SLC35E1: variants seen among roughly 807,000 people sequenced by gnomAD.
The protein encoded by SLC35E1 is solute carrier family 35 member E1.
SLC35E1 carries 12 observed loss-of-function variants against 31.0 expected under a neutral mutation model. The observed-to-expected ratio is 0.39, with a 90% CI of 0.25 to 0.63. SLC35E1 has a LOEUF of 0.63. SLC35E1 is among the 20% of genes least tolerant of loss of function. The pLI is 0.52. For synonymous variants in SLC35E1, 257 were observed against 264.1 expected, an observed-to-expected ratio of 0.97 and a Z score of 0.26; for missense variants, 429 against 572.2, an observed-to-expected ratio of 0.75 and a Z score of 2.55.
chr19:16,563,631 G>A lies in SLC35E1; in HGVS notation c.756+2901C>T, dbSNP rs117883818. ...CTAGTAGCTAGGATTATAGGCGTAC[G>A]CCACCACACCAGATAATTTTTATAT... On this transcript the variant is annotated intron_variant, in intron 4 of 5. Transcript: ENST00000595753. 7.0e-3 allele frequency among the ~76,000 whole-genome samples: 1,067 copies of A among 152,160 alleles called. 4 individuals carry two copies. Among genetic ancestry groups the A allele is most frequent in the Middle Eastern group, 0.017 (5 of 294 alleles).
chr19:16,567,986 C>A, intron 3 of SLC35E1, 46 bp downstream of exon 3: 2 of 1,495,914 alleles, frequency 1.3e-6, no homozygotes, highest in Non-Finnish European at 8.9e-7. Context: ...TTGCTGCCCG[C>A]ACACCCCTGA....
chr19:16,571,542 C>T lies in SLC35E1; in HGVS notation c.462G>A (p.Arg154=). The change falls in exon 2 of 6, where the codon CGG becomes CGA. Residue 154 remains arginine (R), a synonymous_variant. Coordinates refer to ENST00000595753, the MANE Select transcript of SLC35E1 (RefSeq NM_024881.5). ...TGCTCTGCTTCTCCTTCATAATGAT[C>T]CGGGACAGGAGGACCACCCAGATGG... ...TMPIWVVLLS[R]IIMKEKQSTK... is the part of the protein sequence containing the mutation. The T allele has an allele frequency of 6.2e-7, 1 of 1,613,968 alleles. No individual in the cohort carries two copies. Among genetic ancestry groups the T allele is most frequent in the East Asian group, 2.2e-5 (1 of 44,878 alleles).
At chr19:16,561,735 C>T (rs1441454510) in intron 4 of SLC35E1, among the ~76,000 whole-genome samples, 8 of 152,190 alleles carry the variant, frequency 5.3e-5, no homozygotes, top group East Asian at 1.9e-4. Flanking sequence ...AGGACTGCGA[C>T]GGTGCTAACT....
intron 1 of SLC35E1, 26 bp from the exon 2 acceptor site, chr19:16,571,608 G>A: frequency 6.2e-7 from 1 of 1,612,570 alleles, no homozygotes; most frequent in Non-Finnish European, 8.5e-7. Flanking sequence ...TGGGCACTCA[G>A]GGGGCTGCCT....
At chr19:16,565,169 G>C (rs926559593) in intron 4 of SLC35E1, 3 of 455,566 alleles carry the variant, frequency 6.6e-6, no homozygotes, top group Admixed American at 4.7e-5. Context: ...GGAGTAAATG[G>C]AAACAGAGAC....
At chr19:16,558,498 G>GCCCA (rs2085887863) in intron 4 of SLC35E1, among the ~76,000 whole-genome samples, 1 of 149,864 alleles carries the variant, frequency 6.7e-6, no homozygotes, top group African/African-American at 2.5e-5. Flanking sequence ...CACCACACCT[G>GCCCA]GCTAATTTTT....
Position 16,572,043 on chromosome 19 carries a change from A to G in SLC35E1, c.322T>C (p.Tyr108His). ...GCGAGCGGTAGCACGTAGCGCGGGT[A>G]GAAGCGCGGCGGCAGCAGCGGGCCG... Reference protein sequence around the residue: ...SSGPLLPPRFYPRYVLPLAFG... With the variant: ...SSGPLLPPRFHPRYVLPLAFG... The change falls in exon 1 of 6, where the codon TAC becomes CAC. Residue 108 changes from tyrosine to histidine, a missense_variant. Tyr to His is a moderately conservative substitution (Grantham distance 83). Coordinates refer to ENST00000595753, the MANE Select transcript of SLC35E1 (RefSeq NM_024881.5). This position sits in a 1 kb window ranked among gnomAD's most constrained non-coding sequence, Gnocchi z 4.1. 1 of 1,540,884 alleles carries G rather than the reference A, an allele frequency of 6.5e-7. No individual in the cohort carries two copies. The highest frequency in any genetic ancestry group is 8.7e-7 in the Non-Finnish European group (1 of 1,143,282).
At chr19:16,556,451 G>A (rs1371142191) in intron 4 of SLC35E1, among the ~76,000 whole-genome samples, 1 of 152,158 alleles carries the variant, frequency 6.6e-6, no homozygotes, top group African/African-American at 2.4e-5. Context: ...CAAGGCTACA[G>A]TGAGCTACGA....
In SLC35E1 at chr19:16,555,056, A is replaced by ACC; in HGVS notation, c.1002+94_1002+95dup. 4 of 1,532,936 alleles carry ACC rather than the reference A, an allele frequency of 2.6e-6. No homozygotes were observed. Among genetic ancestry groups the ACC allele is most frequent in the Non-Finnish European group, 3.5e-6 (4 of 1,138,608 alleles). The allele number at this position is 1,532,936 out of a possible 1,614,324, so 95.0% of individuals were successfully genotyped here. On this transcript the variant is annotated intron_variant, in intron 5 of 5. Coordinates refer to ENST00000595753, the MANE Select transcript of SLC35E1 (RefSeq NM_024881.5). The surrounding 1 kb of genome is among the most constrained non-coding windows in gnomAD (Gnocchi z 4.1). ...GTCAGTGGCAAAGCTCTGACATACAACCCCAGCCTTGAGCGCCCGGGAGGC... is the reference window on the plus strand; with the variant it reads ...GTCAGTGGCAAAGCTCTGACATACAACCCCCCAGCCTTGAGCGCCCGGGAGGC...
intron 2 of SLC35E1, 52 bp downstream of exon 2, chr19:16,571,460 G>A: frequency 6.3e-7 from 1 of 1,593,294 alleles, no homozygotes. Flanking sequence ...GTTGGCAACA[G>A]GGAGGAACCC....
rs745508465 is a variant in SLC35E1, at chr19:16,568,019, G to A, written c.630+13C>T. Reference sequence around the variant, plus strand: ...TGAAACCCCATGCATGTCCGCTGATGGTGACCAAATACCTTTTTGGAGAAA... The same window carrying A: ...TGAAACCCCATGCATGTCCGCTGATAGTGACCAAATACCTTTTTGGAGAAA... On this transcript the variant is annotated intron_variant, in intron 3 of 5. Coordinates refer to ENST00000595753, the MANE Select transcript of SLC35E1 (RefSeq NM_024881.5). 1.2e-5 allele frequency: 19 copies of A among 1,601,476 alleles called. No individual in the cohort carries two copies. Among genetic ancestry groups the A allele is most frequent in the Admixed American group, 1.7e-5 (1 of 58,790 alleles).
chr19:16,565,814 C>CTTTTTTTTTTTTTTT (rs536769066), intron 4 of SLC35E1: 1 of 69,278 alleles, frequency 1.4e-5, no homozygotes, highest in African/African-American at 6.8e-5. Context: ...CTGCGCCCGG[C>CTTTTTTTTTTTTTTT]TTTTTTTTTT....
chr19:16,564,597 C>T (rs1342023457), intron 4 of SLC35E1, among the ~76,000 whole-genome samples: 5 of 152,118 alleles, frequency 3.3e-5, no homozygotes, highest in Admixed American at 6.6e-5. Context: ...GGAGCCACTG[C>T]GCCTGGCCAA....
At position 16,550,817 on chromosome 19, in the gene SLC35E1, C is replaced by T. The variant is rs2122315120; in HGVS notation, c.*2862G>A. ...TGCTGATTTGGTGTAACGTGATTGC[C>T]TCATTCATTCCAGTGTACGTACTTG... On this transcript the variant is annotated 3_prime_UTR_variant, in exon 6 of 6. Coordinates refer to ENST00000595753, the MANE Select transcript of SLC35E1 (RefSeq NM_024881.5). 6.6e-6 allele frequency: 1 copy of T among 152,294 alleles called. No homozygotes were observed. Among genetic ancestry groups the T allele is most frequent in the Admixed American group, 6.5e-5 (1 of 15,278 alleles). The allele number at this position is 152,294 out of a possible 1,614,324, so 9.4% of individuals were successfully genotyped here.
intron 1 of SLC35E1, 39 bp downstream of exon 1, chr19:16,571,905 G>T: frequency 6.6e-7 from 1 of 1,523,998 alleles, no homozygotes. Context: ...CGAAGCGGCG[G>T]GCCCGGCCGC....
intron 4 of SLC35E1, among the ~76,000 whole-genome samples, chr19:16,561,805 T>C (rs964495041): frequency 6.6e-6 from 1 of 152,190 alleles, no homozygotes; most frequent in African/African-American, 2.4e-5. Context: ...AACCCAGACA[T>C]GTGGGAACCC....
At chr19:16,560,867 C>CAAAAACAAAAAACCAAAAAAAAA (rs1568272912) in intron 4 of SLC35E1, among the ~76,000 whole-genome samples, 1 of 67,578 alleles carries the variant, frequency 1.5e-5, no homozygotes, top group African/African-American at 5.0e-5. Flanking sequence ...ATCTCAAAAA[C>CAAAAACAAAAAACCAAAAAAAAA]AAAAAAAAAA....
intron 4 of SLC35E1, among the ~76,000 whole-genome samples, chr19:16,559,740 AGCACGATG>A (rs1456869444): frequency 6.6e-6 from 1 of 152,126 alleles, no homozygotes; most frequent in Non-Finnish European, 1.5e-5. Flanking sequence ...TGCTCCTTGG[AGCACGATG>A]GTAATCACTG....
At chr19:16,560,611 C>T (rs560693914) in intron 4 of SLC35E1, among the ~76,000 whole-genome samples, 9 of 152,196 alleles carry the variant, frequency 5.9e-5, no homozygotes, top group South Asian at 2.1e-4. Context: ...CCTGTAATCC[C>T]GGCACTTTGG....
Sources: allele counts gnomAD v4.1 joint callset (sites outside exome capture counted in the v4.1 genomes callset), GRCh38; gene constraint gnomAD v4.1.1; non-coding constraint Gnocchi (gnomAD v3.1); transcripts MANE v1.5; gene names NCBI Gene and HGNC (gene_info 2026-07-23, HGNC 2026-07-21).